PIK3R1: variants seen among roughly 807,000 people sequenced by gnomAD.
The protein encoded by PIK3R1 is phosphoinositide-3-kinase regulatory subunit 1.
PIK3R1 carries 29 observed loss-of-function variants against 98.0 expected under a neutral mutation model. That is an observed-to-expected ratio of 0.30 (90% confidence interval 0.22 to 0.40). The LOEUF is 0.40. PIK3R1 is among the 10% of genes least tolerant of loss of function. The pLI, the probability that PIK3R1 is intolerant of heterozygous loss-of-function variation, is 1.00. For missense variants in PIK3R1, 596 were observed against 872.7 expected, an observed-to-expected ratio of 0.68 and a Z score of 3.99; for synonymous variants, 282 against 311.8, an observed-to-expected ratio of 0.90 and a Z score of 1.01.
Position 68,294,662 on chromosome 5 carries a change from G to A in PIK3R1, c.1552G>A (p.Glu518Lys). 1 of 1,606,416 alleles carries A rather than the reference G, an allele frequency of 6.2e-7. No homozygotes were observed. The highest frequency in any genetic ancestry group is 2.3e-5 in the East Asian group (1 of 44,388). Residue 518 changes from glutamate (E) to lysine (K), a missense_variant, in exon 12 of 16, where the codon GAG becomes AAG. Physicochemically the swap from Glu to Lys is moderately conservative, Grantham distance 56 (BLOSUM62 1). Around this residue, in one of 3 missense-constraint regions of PIK3R1, gnomAD observed 207 missense variants for 361.4 expected, o/e 0.57. Transcript: ENST00000521381. Reference protein sequence around the residue: ...YIEKFKREGNEKEIQRIMHNY... With the variant: ...YIEKFKREGNKKEIQRIMHNY... ...AGAAAAGTTTAAACGTGAAGGCAAT[G>A]AGAAAGAAATACAAAGGTTGGTGTT...
intron 8 of PIK3R1, 117 bp downstream of exon 8, chr5:68,292,478 T>A (rs781388147): frequency 6.8e-7 from 1 of 1,463,666 alleles, no homozygotes; most frequent in Non-Finnish European, 9.4e-7. Flanking sequence ...CATAGTTGGT[T>A]CTCTTCCAAA....
chr5:68,262,382 A>ATT lies in PIK3R1; in HGVS notation c.335-11004_335-11003dup, dbSNP rs199526243. On this transcript the variant is annotated intron_variant, in intron 2 of 15. Transcript: ENST00000521381. ...GAACATGACCAGGCTTCTTTCTATA[A>ATT]TTTTTATATATATATATATATACAC... Among the ~76,000 whole-genome samples the ATT allele has an allele frequency of 1.4e-4, 12 of 84,550 alleles. No individual in the cohort carries two copies. The South Asian group carries it at 3.1e-3, about 22-fold the overall frequency. 55.5% of individuals were successfully genotyped at this position (84,550 alleles called of 152,430 possible).
intron 2 of PIK3R1, among the ~76,000 whole-genome samples, chr5:68,246,577 T>C (rs189516815): frequency 3.7e-4 from 56 of 152,318 alleles, no homozygotes; most frequent in African/African-American, 1.3e-3. Context: ...CCTCCCAAAG[T>C]GCTGGGATTA....
intron 2 of PIK3R1, among the ~76,000 whole-genome samples, chr5:68,233,052 T>G (rs969744719): frequency 2.6e-5 from 4 of 152,236 alleles, no homozygotes; most frequent in Non-Finnish European, 5.9e-5. Flanking sequence ...TTCTGATTAG[T>G]AAGAATTTCT....
In PIK3R1 at chr5:68,263,312, T is replaced by G. The variant is rs553720717; in HGVS notation, c.335-10078T>G. Among the ~76,000 whole-genome samples, 90 of 33,798 alleles carry G rather than the reference T, an allele frequency of 2.7e-3. No individual in the cohort carries two copies. The East Asian group carries it at 0.037, about 14-fold the overall frequency. 22.2% of individuals were successfully genotyped at this position (33,798 alleles called of 152,430 possible). A position where few individuals can be genotyped will look rare whatever the true frequency, so the allele number is the denominator to read the frequency against. ...CTTCTGTATATCACAGTTTTGTGTG[T>G]TGTTGTTTTTTTTTAAGTGCATTGG... On this transcript the variant is annotated intron_variant, in intron 2 of 15. Coordinates refer to ENST00000521381, the MANE Select transcript of PIK3R1 (RefSeq NM_181523.3).
Position 68,276,021 on chromosome 5 carries a change from T to G in PIK3R1, c.502+2008T>G, listed in dbSNP as rs569470085. ...GCTGACCCTCAGGTAAATAATTTCTTTCACATTTTTCAGTGCCTTAGTGGC... is the reference window on the plus strand; with the variant it reads ...GCTGACCCTCAGGTAAATAATTTCTGTCACATTTTTCAGTGCCTTAGTGGC... On this transcript the variant is annotated intron_variant, in intron 4 of 15. Coordinates refer to ENST00000521381, the MANE Select transcript of PIK3R1 (RefSeq NM_181523.3). Among the ~76,000 whole-genome samples the G allele has an allele frequency of 2.6e-5, 4 of 152,210 alleles. No individual in the cohort carries two copies. In the South Asian group the frequency reaches 8.3e-4, roughly 32 times the overall value.
At chr5:68,274,946 C>T (rs1046944197) in intron 4 of PIK3R1, among the ~76,000 whole-genome samples, 3 of 152,118 alleles carry the variant, frequency 2.0e-5, no homozygotes, top group African/African-American at 7.2e-5. Context: ...TTTTGGACTC[C>T]GTCAGAGGTA....
chr5:68,219,358 A>G (rs888204397), intron 1 of PIK3R1, among the ~76,000 whole-genome samples: 4 of 152,328 alleles, frequency 2.6e-5, no homozygotes, highest in Non-Finnish European at 5.9e-5. Context: ...GAGTCTGGCC[A>G]CAGTGTGAGG....
At chr5:68,258,830 C>T (rs549067226) in intron 2 of PIK3R1, among the ~76,000 whole-genome samples, 3 of 152,204 alleles carry the variant, frequency 2.0e-5, no homozygotes, top group Admixed American at 6.5e-5. Flanking sequence ...AGTATTGCAG[C>T]AGGTTCTTAG....
chr5:68,219,785 TC>T (rs1744030547), intron 1 of PIK3R1, among the ~76,000 whole-genome samples: 1 of 152,232 alleles, frequency 6.6e-6, no homozygotes, highest in African/African-American at 2.4e-5. Flanking sequence ...AAATGTTTGT[TC>T]CTCTGTTAAA....
intron 2 of PIK3R1, among the ~76,000 whole-genome samples, chr5:68,244,524 C>CCG (rs1491265496): frequency 2.9e-5 from 1 of 34,142 alleles, no homozygotes; most frequent in Non-Finnish European, 6.1e-5. Flanking sequence ...CGCCCCCCCG[C>CCG]CCCCCGCCGC....
At chr5:68,224,444 TC>T (rs1744205806) in intron 1 of PIK3R1, among the ~76,000 whole-genome samples, 1 of 152,204 alleles carries the variant, frequency 6.6e-6, no homozygotes, top group African/African-American at 2.4e-5. Context: ...CACAAAGACT[TC>T]CAGTGTTTGT....
chr5:68,283,126 G>A (rs977431022), intron 7 of PIK3R1, among the ~76,000 whole-genome samples: 1 of 152,344 alleles, frequency 6.6e-6, no homozygotes, highest in Admixed American at 6.5e-5. Flanking sequence ...GCCACAGCAT[G>A]TGCTAGTACC....
intron 8 of PIK3R1, chr5:68,292,790 G>A: frequency 1.0e-5 from 13 of 1,245,664 alleles, no homozygotes; most frequent in Non-Finnish European, 1.3e-5. Context: ...AGATTGTAAT[G>A]TTTGGTTGAA....
rs1451476354 is a variant in PIK3R1, at chr5:68,299,888, C to T, written c.*2287C>T. 4.3e-6 allele frequency: 1 copy of T among 233,108 alleles called. No individual in the cohort carries two copies. The highest frequency in any genetic ancestry group is 8.5e-6 in the Non-Finnish European group (1 of 118,032). The allele number at this position is 233,108 out of a possible 1,614,324, so 14.4% of individuals were successfully genotyped here. On this transcript the variant is annotated 3_prime_UTR_variant, in exon 16 of 16. Coordinates refer to ENST00000521381, the MANE Select transcript of PIK3R1 (RefSeq NM_181523.3). ...TGACCATTTCCCTCTCATCGCCAGA[C>T]AACTGACGATTTCCCTGGTTTTAGT...
intron 7 of PIK3R1, among the ~76,000 whole-genome samples, chr5:68,287,465 A>G (rs981259988): frequency 2.0e-5 from 3 of 152,166 alleles, no homozygotes; most frequent in Non-Finnish European, 4.4e-5. Context: ...TTTCCCCTCT[A>G]TGGCATGCAG....
intron 2 of PIK3R1, among the ~76,000 whole-genome samples, chr5:68,259,705 CTT>C (rs1218220505): frequency 6.6e-6 from 1 of 152,174 alleles, no homozygotes; most frequent in African/African-American, 2.4e-5. Context: ...CTAGAGAACT[CTT>C]TTTCTAACTT....
intron 2 of PIK3R1, among the ~76,000 whole-genome samples, chr5:68,235,404 A>G (rs1561262791): frequency 2.9e-5 from 1 of 34,070 alleles, no homozygotes; most frequent in African/African-American, 9.1e-5. Flanking sequence ...GTGTCTCAAA[A>G]TAAATAAATA....
chr5:68,256,482 G>A (rs1435256669), intron 2 of PIK3R1, among the ~76,000 whole-genome samples: 4 of 152,076 alleles, frequency 2.6e-5, no homozygotes, highest in South Asian at 2.1e-4. Context: ...CGCCCGCCTC[G>A]GCCTCCCAAA....
Sources: allele counts gnomAD v4.1 joint callset (sites outside exome capture counted in the v4.1 genomes callset), GRCh38; gene constraint gnomAD v4.1.1; regional missense constraint gnomAD v4.1.1; transcripts MANE v1.5; gene names NCBI Gene and HGNC (gene_info 2026-07-23, HGNC 2026-07-21).